The following LIN7A variants were observed in gnomAD, a reference collection of about 807,000 sequenced individuals.
LIN7A encodes protein lin-7 homolog A.
LIN7A carries 25 observed loss-of-function variants against 29.8 expected under a neutral mutation model. That is an observed-to-expected ratio of 0.84 (90% CI 0.61 to 1.17). LIN7A has a LOEUF of 1.17. Among genes scored for constraint, LIN7A ranks in the 50% most tolerant of loss-of-function variants. The pLI, the probability that LIN7A is intolerant of heterozygous loss-of-function variation, is 0.00. For missense variants in LIN7A, 239 were observed against 287.0 expected (o/e 0.83, Z 1.21); for synonymous variants, 118 against 107.5 (o/e 1.10, Z -0.60).
In LIN7A at chr12:80,845,748, C is replaced by T. The variant is rs1873043476; in HGVS notation, c.465G>A (p.Leu155=). ...AACATACCACTCCGTTCACTGATAG[C>T]AGCTGGTCTCCTCTTTTGAGGCCTC... ...RHGGLKRGDQ[L]LSVNGVSVEG... is the part of the protein sequence containing the mutation. Residue 155 remains leucine, a synonymous_variant, in exon 4 of 6, where the codon CTG becomes CTA. Transcript: ENST00000552864. 3 of 1,613,354 alleles carry T rather than the reference C, an allele frequency of 1.9e-6. No individual in the cohort carries two copies. In the African/African-American group the frequency reaches 4.0e-5, roughly 22 times the overall value.
chr12:80,835,075 A>G (rs989883284), intron 4 of LIN7A, among the ~76,000 whole-genome samples: 3 of 152,228 alleles, frequency 2.0e-5, no homozygotes, highest in South Asian at 4.1e-4. Flanking sequence ...GGACCAGCAC[A>G]GGATTTCAAG....
At chr12:80,880,482 ACT>A (rs1432448398) in intron 2 of LIN7A, among the ~76,000 whole-genome samples, 2 of 152,112 alleles carry the variant, frequency 1.3e-5, no homozygotes, top group Non-Finnish European at 1.5e-5. Context: ...AACTTTTGAA[ACT>A]CTAGATTTCT....
chr12:80,837,831 ATCATCATCC>A (rs1477890216), intron 4 of LIN7A, among the ~76,000 whole-genome samples: 4 of 150,680 alleles, frequency 2.7e-5, no homozygotes, highest in Admixed American at 2.6e-4. Flanking sequence ...ATTTATCATC[ATCATCATCC>A]TCATCATCAT....
chr12:80,802,666 C>CTT (rs1365745001), intron 5 of LIN7A, among the ~76,000 whole-genome samples: 2 of 140,536 alleles, frequency 1.4e-5, no homozygotes, highest in Non-Finnish European at 1.6e-5. Flanking sequence ...TAAAATTTTA[C>CTT]TTTTTTTTTT....
intron 2 of LIN7A, among the ~76,000 whole-genome samples, chr12:80,869,106 C>T (rs921360262): frequency 4.0e-5 from 6 of 150,892 alleles, no homozygotes; most frequent in Non-Finnish European, 1.5e-5. Flanking sequence ...AGGGCATTGG[C>T]ATGTAGCACT....
At chr12:80,839,868 A>G (rs1256630891) in intron 4 of LIN7A, among the ~76,000 whole-genome samples, 2 of 152,226 alleles carry the variant, frequency 1.3e-5, no homozygotes, top group Non-Finnish European at 2.9e-5. Flanking sequence ...CTCATCTGTT[A>G]TGCTTAAAAA....
intron 2 of LIN7A, among the ~76,000 whole-genome samples, chr12:80,862,390 A>C (rs1298749053): frequency 6.6e-6 from 1 of 152,260 alleles, no homozygotes; most frequent in Non-Finnish European, 1.5e-5. Context: ...CCCTGCAAAG[A>C]CTAAATTAGC....
Position 80,875,716 on chromosome 12 carries a change from C to A in LIN7A, c.201+13535G>T, listed in dbSNP as rs369069133. ...ATCTTAAGGAATTCTTCCATGGACCCAACAAATATTTATTAAATGCTTATT... is the reference window on the plus strand; with the variant it reads ...ATCTTAAGGAATTCTTCCATGGACCAAACAAATATTTATTAAATGCTTATT... On this transcript the variant is annotated intron_variant, in intron 2 of 5. Coordinates refer to ENST00000552864, the MANE Select transcript of LIN7A (RefSeq NM_004664.4). 5.3e-5 allele frequency among the ~76,000 whole-genome samples: 8 copies of A among 152,190 alleles called. No homozygotes were observed. The East Asian group carries it at 7.7e-4, about 15-fold the overall frequency.
At chr12:80,858,735 T>C (rs1415683761) in intron 2 of LIN7A, among the ~76,000 whole-genome samples, 1 of 152,210 alleles carries the variant, frequency 6.6e-6, no homozygotes, top group Non-Finnish European at 1.5e-5. Context: ...AAATATGCCT[T>C]AATTTTCACT....
At position 80,919,467 on chromosome 12, in the gene LIN7A, G is replaced by T. The variant is rs140898402; in HGVS notation, c.82+18174C>A. ...TCAGGAAGGGCCAACTGTGAGCAGG[G>T]ATGAGTATATAACCTTTGAGAGTGG... On this transcript the variant is annotated intron_variant, in intron 1 of 5. Coordinates refer to ENST00000552864, the MANE Select transcript of LIN7A (RefSeq NM_004664.4). Among the ~76,000 whole-genome samples, 95 of 152,316 alleles carry T rather than the reference G, an allele frequency of 6.2e-4. 1 individual carries two copies. In the East Asian group the frequency reaches 0.016, roughly 25 times the overall value.
chr12:80,891,227 T>A (rs1008624963), intron 1 of LIN7A, among the ~76,000 whole-genome samples: 9 of 152,202 alleles, frequency 5.9e-5, no homozygotes, highest in African/African-American at 1.9e-4. Flanking sequence ...GTCTTCTTTT[T>A]TCAGTCCATC....
intron 5 of LIN7A, among the ~76,000 whole-genome samples, chr12:80,807,344 AC>A (rs1402306610): frequency 6.6e-5 from 10 of 152,156 alleles, no homozygotes; most frequent in Non-Finnish European, 1.3e-4. Context: ...TGCTGGGATT[AC>A]AGGCATGAGC....
intron 2 of LIN7A, among the ~76,000 whole-genome samples, chr12:80,849,176 T>C (rs1873212506): frequency 6.6e-6 from 1 of 152,136 alleles, no homozygotes; most frequent in South Asian, 2.1e-4. Context: ...AATTATGAGG[T>C]GTTCAATTTC....
intron 4 of LIN7A, among the ~76,000 whole-genome samples, chr12:80,825,313 A>T (rs1391315550): frequency 6.6e-6 from 1 of 152,220 alleles, no homozygotes; most frequent in Non-Finnish European, 1.5e-5. Context: ...CTAAGGGCAG[A>T]CCTAGTGCCA....
intron 1 of LIN7A, among the ~76,000 whole-genome samples, chr12:80,907,023 A>T (rs113382679): frequency 7.0e-6 from 1 of 143,504 alleles, no homozygotes; most frequent in Non-Finnish European, 1.5e-5. Flanking sequence ...TGAAACAATG[A>T]TCATAATAGA....
At chr12:80,926,209 A>C (rs1877573733) in intron 1 of LIN7A, among the ~76,000 whole-genome samples, 1 of 152,240 alleles carries the variant, frequency 6.6e-6, no homozygotes, top group Admixed American at 6.5e-5. Context: ...CTTAACTAGA[A>C]CATAAGCACA....
At chr12:80,844,069 A>G (rs1872947745) in intron 4 of LIN7A, among the ~76,000 whole-genome samples, 1 of 151,910 alleles carries the variant, frequency 6.6e-6, no homozygotes, top group Admixed American at 6.6e-5. Context: ...TTAAATCTAT[A>G]CCTTATTTGA....
At chr12:80,881,705 TG>T (rs1565913909) in intron 2 of LIN7A, among the ~76,000 whole-genome samples, 1 of 152,152 alleles carries the variant, frequency 6.6e-6, no homozygotes, top group Non-Finnish European at 1.5e-5. Flanking sequence ...AGTCTGTATA[TG>T]ATCTTTAACT....
chr12:80,839,191 A>C (rs147847634), intron 4 of LIN7A, among the ~76,000 whole-genome samples: 1 of 152,342 alleles, frequency 6.6e-6, no homozygotes, highest in African/African-American at 2.4e-5. Context: ...TACATTGTAC[A>C]TGAAAGTACT....
Sources: allele counts gnomAD v4.1 joint callset (sites outside exome capture counted in the v4.1 genomes callset), GRCh38; gene constraint gnomAD v4.1.1; transcripts MANE v1.5; gene names NCBI Gene and HGNC (gene_info 2026-07-23, HGNC 2026-07-21).